Variants in DPYD observed in about 807,000 individuals in gnomAD.
DPYD encodes dihydropyrimidine dehydrogenase [NADP(+)].
In DPYD, 109 loss-of-function variants were observed where a neutral mutation model predicts 116.2. That is an observed-to-expected ratio of 0.94 (90% CI 0.80 to 1.10). DPYD has a LOEUF of 1.10. DPYD is among the 50% of genes least tolerant of loss of function. The probability of loss-of-function intolerance (pLI) is 0.00; values close to 1 mark genes in which losing one functional copy is unlikely to be tolerated. For synonymous variants in DPYD, 440 were observed against 432.0 expected (o/e 1.02, Z -0.23); for missense variants, 1,302 against 1,254.5 (o/e 1.04, Z -0.57).
intron 1 of DPYD, among the ~76,000 whole-genome samples, chr1:97,883,657 G>A (rs908541252): frequency 8.6e-5 from 13 of 151,884 alleles, no homozygotes; most frequent in African/African-American, 3.1e-4. Context: ...ATGTTGCCCA[G>A]GCTGGTCTTG....
At chr1:97,287,255 A>G (rs11165833) in intron 18 of DPYD, among the ~76,000 whole-genome samples, 145,089 of 152,202 alleles carry the variant, frequency 0.95, 69,567 homozygotes, top group East Asian at 1. Flanking sequence ...TTCATGAACC[A>G]CGAATGCTGC....
At chr1:97,377,004 C>T (rs140885718) in intron 15 of DPYD, among the ~76,000 whole-genome samples, 212 of 148,282 alleles carry the variant, frequency 1.4e-3, no homozygotes, top group African/African-American at 5.0e-3. Flanking sequence ...GCCTTAGTTT[C>T]CTCAAAAAAA....
At chr1:97,852,256 C>T (rs968165376) in intron 2 of DPYD, among the ~76,000 whole-genome samples, 4 of 151,958 alleles carry the variant, frequency 2.6e-5, no homozygotes, top group Non-Finnish European at 5.9e-5. Flanking sequence ...GATAATCATA[C>T]CTGATTAGTG....
rs780501614 is a variant in DPYD at position 97,565,957 on chromosome 1, C to T, written c.1339+7803G>A. Among the ~76,000 whole-genome samples, 4 of 152,106 alleles carry T rather than the reference C, an allele frequency of 2.6e-5. No homozygotes were observed. The South Asian group carries it at 6.2e-4, about 24-fold the overall frequency. ...TAGGCTGATGACAACTTTCTAAAGA[C>T]ATATATTTTTTACAGCTTTTTAAAA... On this transcript the variant is annotated intron_variant, in intron 11 of 22. Coordinates refer to ENST00000370192, the MANE Select transcript of DPYD (RefSeq NM_000110.4).
intron 8 of DPYD, among the ~76,000 whole-genome samples, chr1:97,670,716 C>A (rs1401756967): frequency 6.6e-6 from 1 of 150,620 alleles, no homozygotes; most frequent in South Asian, 2.1e-4. Flanking sequence ...TGATAATTAT[C>A]TCCCACAAAA....
At chr1:97,134,951 G>A (rs12048767) in intron 20 of DPYD, among the ~76,000 whole-genome samples, 2,112 of 150,284 alleles carry the variant, frequency 0.014, 65 homozygotes, top group East Asian at 0.12. Flanking sequence ...ACAGTACCTA[G>A]TGGGTTACTC....
intron 8 of DPYD, among the ~76,000 whole-genome samples, chr1:97,606,925 C>G (rs532592933): frequency 6.6e-6 from 1 of 151,870 alleles, no homozygotes; most frequent in South Asian, 2.1e-4. Flanking sequence ...AGCTTACCCT[C>G]CTGGGGCAAC....
intron 10 of DPYD, among the ~76,000 whole-genome samples, chr1:97,575,352 GC>G (rs2102190111): frequency 6.6e-6 from 1 of 152,168 alleles, no homozygotes; most frequent in African/African-American, 2.4e-5. Context: ...TTCAAGAAGA[GC>G]TAAAGTATGT....
At chr1:97,300,757 C>A (rs181812269) in intron 18 of DPYD, among the ~76,000 whole-genome samples, 4 of 152,114 alleles carry the variant, frequency 2.6e-5, no homozygotes, top group African/African-American at 9.6e-5. Flanking sequence ...GTGTATGCTG[C>A]CAAGTTATTA....
chr1:97,713,338 A>C (rs2101006657), intron 5 of DPYD, among the ~76,000 whole-genome samples: 1 of 152,280 alleles, frequency 6.6e-6, no homozygotes, highest in Admixed American at 6.5e-5. Flanking sequence ...AGAAAAAAGT[A>C]ACCGCAAATA....
At chr1:97,641,535 G>A (rs1043786411) in intron 8 of DPYD, among the ~76,000 whole-genome samples, 1 of 152,084 alleles carries the variant, frequency 6.6e-6, no homozygotes, top group Non-Finnish European at 1.5e-5. Context: ...AAGGGCTTTC[G>A]ATAAAATTCA....
chr1:97,820,303 G>A (rs1668856946), intron 3 of DPYD, among the ~76,000 whole-genome samples: 1 of 152,056 alleles, frequency 6.6e-6, no homozygotes, highest in South Asian at 2.1e-4. Context: ...ACACAGACGG[G>A]ACATACCTGA....
At chr1:97,279,456 G>T (rs539316591) in intron 18 of DPYD, among the ~76,000 whole-genome samples, 5 of 152,218 alleles carry the variant, frequency 3.3e-5, no homozygotes, top group African/African-American at 1.2e-4. Flanking sequence ...TCACAACCCT[G>T]TGCAATCAGG....
At chr1:97,751,425 TATAC>T (rs1664878690) in intron 3 of DPYD, among the ~76,000 whole-genome samples, 1 of 108,334 alleles carries the variant, frequency 9.2e-6, no homozygotes, top group African/African-American at 3.6e-5. Flanking sequence ...TATATATATG[TATAC>T]GTGTGTGTGT....
chr1:97,151,357 G>A (rs1291131872), intron 20 of DPYD, among the ~76,000 whole-genome samples: 2 of 152,136 alleles, frequency 1.3e-5, no homozygotes, highest in African/African-American at 4.8e-5. Context: ...AGAAAATCAA[G>A]AATCAGAAAG....
At chr1:97,418,391 C>T (rs1674397066) in intron 14 of DPYD, among the ~76,000 whole-genome samples, 1 of 151,438 alleles carries the variant, frequency 6.6e-6, no homozygotes, top group Non-Finnish European at 1.5e-5. Flanking sequence ...ACCTCTACCT[C>T]TCAGGTTCAA....
At position 97,319,351 on chromosome 1, in the gene DPYD, A is replaced by G. The variant is rs1450936955; in HGVS notation, c.2059-13054T>C. 2.2e-4 allele frequency among the ~76,000 whole-genome samples: 32 copies of G among 147,658 alleles called. 1 individual carries two copies. The highest frequency in any genetic ancestry group is 8.0e-4 in the African/African-American group (32 of 39,872). On this transcript the variant is annotated intron_variant, in intron 16 of 22. Transcript: ENST00000370192. ...GACTGCTAGCAAGACTAATAAAGAA[A>G]AAAAGAGAGAAGAATCAAATAGACA...
intron 16 of DPYD, among the ~76,000 whole-genome samples, chr1:97,323,390 A>G (rs1166951523): frequency 1.9e-5 from 2 of 107,602 alleles, no homozygotes; most frequent in African/African-American, 5.8e-5. Context: ...ATGTACACGT[A>G]TGTATACATA....
At chr1:97,666,437 G>T (rs1659561445) in intron 8 of DPYD, among the ~76,000 whole-genome samples, 1 of 152,096 alleles carries the variant, frequency 6.6e-6, no homozygotes, top group African/African-American at 2.4e-5. Flanking sequence ...GGGATTACAG[G>T]CATGAACTAC....
Sources: gnomAD v4.1 joint callset for allele counts (sites outside exome capture counted in the v4.1 genomes callset) on GRCh38, gnomAD v4.1.1 for gene constraint, MANE v1.5 for transcripts, NCBI Gene and HGNC (gene_info 2026-07-23, HGNC 2026-07-21) for gene names.